UBE4B: variants seen among roughly 807,000 people sequenced by gnomAD.
UBE4B encodes ubiquitin conjugation factor E4 B.
A neutral mutation model predicts 148.1 loss-of-function variants in UBE4B; 27 were observed. The observed-to-expected ratio is 0.18, with a 90% confidence interval of 0.13 to 0.25. UBE4B has a LOEUF of 0.25. UBE4B is among the 10% of genes least tolerant of loss of function. UBE4B has a pLI of 1.00. For missense variants in UBE4B, 1,170 were observed against 1,662.4 expected (o/e 0.70, Z 5.15); for synonymous variants, 596 against 619.3 (o/e 0.96, Z 0.56).
chr1:10,118,822 G>GT lies in UBE4B; in HGVS notation c.1339-683dup, dbSNP rs921499292. On this transcript the variant is annotated intron_variant, in intron 8 of 27. Transcript: ENST00000343090. ...CCCGGCACACCCAGCTAATTTTTAT[G>GT]TTTTTTTTAGTGGAGATGGGGTTTC... 1.7e-4 allele frequency among the ~76,000 whole-genome samples: 14 copies of GT among 80,548 alleles called. No individual in the cohort carries two copies. The South Asian group carries it at 1.8e-3, about 10-fold the overall frequency. The allele number at this position is 80,548 out of a possible 152,430, so 52.8% of individuals were successfully genotyped here. A position where few individuals can be genotyped will look rare whatever the true frequency, so the allele number is the denominator to read the frequency against.
At position 10,168,394 on chromosome 1, in the gene UBE4B, T is replaced by C; in HGVS notation, c.3333+124T>C. 1 of 1,410,676 alleles carries C rather than the reference T, an allele frequency of 7.1e-7. No homozygotes were observed. The allele number at this position is 1,410,676 out of a possible 1,614,324, so 87.4% of individuals were successfully genotyped here. A position where few individuals can be genotyped will look rare whatever the true frequency, so the allele number is the denominator to read the frequency against. ...GATCACAGTCATCAATAAGTGAAAT[T>C]CTGTGACTGATTTTGTTCCCAGTTA... On this transcript the variant is annotated intron_variant, in intron 24 of 27. Coordinates refer to ENST00000343090, the MANE Select transcript of UBE4B (RefSeq NM_001105562.3). This position sits in a 1 kb window ranked among gnomAD's most constrained non-coding sequence, Gnocchi z 4.9.
intron 7 of UBE4B, among the ~76,000 whole-genome samples, chr1:10,113,862 C>G (rs995511364): frequency 3.3e-5 from 5 of 151,980 alleles, no homozygotes; most frequent in Admixed American, 1.3e-4. Context: ...GTCAGGAGAT[C>G]GAGATCATCC....
chr1:10,113,672 A>G (rs1018264082), intron 7 of UBE4B, among the ~76,000 whole-genome samples: 1 of 152,158 alleles, frequency 6.6e-6, no homozygotes, highest in Non-Finnish European at 1.5e-5. Context: ...AGCCAGCGCC[A>G]TCTAAGCCTG....
chr1:10,161,410 C>T lies in UBE4B; in HGVS notation c.3198+124C>T. The T allele has an allele frequency of 8.6e-7, 1 of 1,165,530 alleles. No individual in the cohort carries two copies. The highest frequency in any genetic ancestry group is 2.0e-5 in the South Asian group (1 of 49,148). The allele number at this position is 1,165,530 out of a possible 1,614,324, so 72.2% of individuals were successfully genotyped here. A position where few individuals can be genotyped will look rare whatever the true frequency, so the allele number is the denominator to read the frequency against. ...TGCGATCTGACATGCTGGGATTTTC[C>T]TTCCATGAAATCATATTGCAGGATT... On this transcript the variant is annotated intron_variant, in intron 23 of 27. Coordinates refer to ENST00000343090, the MANE Select transcript of UBE4B (RefSeq NM_001105562.3). This position sits in a 1 kb window ranked among gnomAD's most constrained non-coding sequence, Gnocchi z 4.1.
chr1:10,129,796 A>G (rs192955317), intron 12 of UBE4B, among the ~76,000 whole-genome samples: 9 of 151,696 alleles, frequency 5.9e-5, no homozygotes, highest in South Asian at 2.1e-4. Context: ...GAATACAGGC[A>G]TGCATTACCA....
intron 20 of UBE4B, among the ~76,000 whole-genome samples, chr1:10,149,570 AC>A (rs1645936926): frequency 6.6e-6 from 1 of 152,206 alleles, no homozygotes; most frequent in South Asian, 2.1e-4. Flanking sequence ...GAAGGAGGAA[AC>A]AGTTTATAAA....
At chr1:10,043,300 C>T (rs987042714) in intron 1 of UBE4B, among the ~76,000 whole-genome samples, 1 of 151,884 alleles carries the variant, frequency 6.6e-6, no homozygotes, top group Non-Finnish European at 1.5e-5. Flanking sequence ...TGAGCCACCG[C>T]ACCCGGCCAA....
intron 2 of UBE4B, among the ~76,000 whole-genome samples, chr1:10,080,692 CTG>C (rs1480696826): frequency 6.6e-6 from 1 of 152,198 alleles, no homozygotes; most frequent in Non-Finnish European, 1.5e-5. Context: ...GGAAAAGAAA[CTG>C]TGGTATGTAT....
At chr1:10,147,177 A>T (rs562430145) in intron 19 of UBE4B, 87 bp downstream of exon 19, 1 of 1,579,170 alleles carries the variant, frequency 6.3e-7, no homozygotes, top group Non-Finnish European at 8.6e-7. Flanking sequence ...AACTAAAACC[A>T]AAACCCTTTC....
rs1646485712 is a variant in UBE4B at position 10,180,135 on chromosome 1, C to T, written c.*179C>T. 2 of 653,798 alleles carry T rather than the reference C, an allele frequency of 3.1e-6. No individual in the cohort carries two copies. Among genetic ancestry groups the T allele is most frequent in the Non-Finnish European group, 5.3e-6 (2 of 379,584 alleles). 40.5% of individuals were successfully genotyped at this position (653,798 alleles called of 1,614,324 possible). Reference sequence around the variant, plus strand: ...AAGGACATGGATGAGAAGAGGAGCCCGCTTCCTGTACATATATTTAAGTGA... The same window carrying T: ...AAGGACATGGATGAGAAGAGGAGCCTGCTTCCTGTACATATATTTAAGTGA... On this transcript the variant is annotated 3_prime_UTR_variant, in exon 28 of 28. Transcript: ENST00000343090.
At chr1:10,119,412 C>A in intron 8 of UBE4B, 101 bp from the exon 9 acceptor site, 1 of 1,138,276 alleles carries the variant, frequency 8.8e-7, no homozygotes, top group Non-Finnish European at 1.3e-6. Context: ...GAGGAAAGCA[C>A]GCTGTTTACT....
intron 21 of UBE4B, among the ~76,000 whole-genome samples, chr1:10,155,064 G>GGAGA (rs112077178): frequency 1.5e-4 from 22 of 149,232 alleles, no homozygotes; most frequent in African/African-American, 3.2e-4. Context: ...TGTGGCTTCA[G>GGAGA]GAGAGAGAGA....
intron 2 of UBE4B, among the ~76,000 whole-genome samples, chr1:10,090,697 G>C (rs1276047160): frequency 6.6e-6 from 1 of 152,024 alleles, no homozygotes; most frequent in Non-Finnish European, 1.5e-5. Context: ...TGGAAGAACA[G>C]GTATGAGCCA....
intron 2 of UBE4B, among the ~76,000 whole-genome samples, chr1:10,089,701 A>ATTT (rs113644846): frequency 7.0e-6 from 1 of 142,230 alleles, no homozygotes; most frequent in African/African-American, 2.6e-5. Flanking sequence ...TACTTTTGTA[A>ATTT]TTTTTTTTTT....
chr1:10,115,289 TATC>T (rs1645290138), intron 7 of UBE4B, among the ~76,000 whole-genome samples: 1 of 148,952 alleles, frequency 6.7e-6, no homozygotes, highest in Non-Finnish European at 1.5e-5. Flanking sequence ...GCCCAGCAAA[TATC>T]ATAGTCGCTC....
chr1:10,100,263 A>G (rs2101883571), intron 3 of UBE4B, among the ~76,000 whole-genome samples: 1 of 152,260 alleles, frequency 6.6e-6, no homozygotes, highest in African/African-American at 2.4e-5. Context: ...TGCTGGGATT[A>G]CAGGTGTGAG....
chr1:10,175,650 C>CAAAA (rs1553156188), intron 25 of UBE4B, among the ~76,000 whole-genome samples: 48 of 140,320 alleles, frequency 3.4e-4, no homozygotes, highest in African/African-American at 1.3e-3. Flanking sequence ...GACTCCGTCT[C>CAAAA]AAATAAATAA....
intron 25 of UBE4B, among the ~76,000 whole-genome samples, chr1:10,175,582 T>C (rs112464846): frequency 2.9e-3 from 438 of 151,300 alleles, no homozygotes; most frequent in Admixed American, 7.3e-3. Flanking sequence ...ACCTGGGAGG[T>C]GGAGCTTGCA....
intron 1 of UBE4B, among the ~76,000 whole-genome samples, chr1:10,035,186 A>G (rs1376977529): frequency 1.3e-5 from 2 of 148,856 alleles, no homozygotes; most frequent in Non-Finnish European, 3.0e-5. Context: ...TTTAGTAGAG[A>G]TGGGGTTTCA....
Sources: gnomAD v4.1 joint callset for allele counts (sites outside exome capture counted in the v4.1 genomes callset) on GRCh38, gnomAD v4.1.1 for gene constraint, Gnocchi (gnomAD v3.1) non-coding constraint, MANE v1.5 for transcripts, NCBI Gene and HGNC (gene_info 2026-07-23, HGNC 2026-07-21) for gene names.